The following FER variants were observed in gnomAD, a reference collection of about 807,000 sequenced individuals.
FER encodes the protein tyrosine-protein kinase Fer.
A neutral mutation model predicts 111.0 loss-of-function variants in FER; 63 were observed. The ratio of observed to expected loss-of-function variants is 0.57; its 90% CI spans 0.46 to 0.70. The LOEUF (loss-of-function observed/expected upper bound fraction) is 0.70, where lower values mean the gene tolerates loss of function less well. FER is among the 30% of genes least tolerant of loss of function. The probability of loss-of-function intolerance (pLI) is 0.00; values close to 1 mark genes in which losing one functional copy is unlikely to be tolerated. For missense variants in FER, 914 were observed against 954.0 expected (o/e 0.96, Z 0.55); for synonymous variants, 327 against 313.9 (o/e 1.04, Z -0.44).
At chr5:108,999,020 C>T (rs1764367927) in intron 13 of FER, among the ~76,000 whole-genome samples, 1 of 152,012 alleles carries the variant, frequency 6.6e-6, no homozygotes, top group Admixed American at 6.5e-5. Flanking sequence ...CTAGTAAATA[C>T]CCATATATGA....
At chr5:109,157,840 G>A (rs1400859610) in intron 17 of FER, among the ~76,000 whole-genome samples, 3 of 152,152 alleles carry the variant, frequency 2.0e-5, no homozygotes, top group South Asian at 2.1e-4. Flanking sequence ...CATCTACCTC[G>A]GTTTTGAGGT....
intron 1 of FER, among the ~76,000 whole-genome samples, chr5:108,752,366 G>A (rs1750602025): frequency 6.6e-6 from 1 of 151,940 alleles, no homozygotes; most frequent in African/African-American, 2.4e-5. Context: ...AACAAACTTT[G>A]ATTTCTTCTG....
chr5:108,798,069 T>A, intron 2 of FER, 55 bp from the exon 3 acceptor site: 1 of 689,564 alleles, frequency 1.5e-6, no homozygotes, highest in Non-Finnish European at 2.4e-6. Context: ...TTTTTTTTTT[T>A]GAAGACTAAT....
At chr5:108,956,976 A>G (rs151058996) in intron 12 of FER, among the ~76,000 whole-genome samples, 1 of 151,748 alleles carries the variant, frequency 6.6e-6, no homozygotes, top group Non-Finnish European at 1.5e-5. Flanking sequence ...AAGTGTTCCA[A>G]TAGAAGAGGT....
intron 15 of FER, 98 bp downstream of exon 15, chr5:109,044,893 G>T (rs924942751): frequency 4.6e-6 from 3 of 648,000 alleles, no homozygotes; most frequent in Non-Finnish European, 7.3e-6. Flanking sequence ...TACTGAAATA[G>T]TAGGGGTAAG....
At chr5:108,870,091 T>C (rs1288477857) in intron 6 of FER, among the ~76,000 whole-genome samples, 2 of 152,120 alleles carry the variant, frequency 1.3e-5, no homozygotes, top group African/African-American at 4.8e-5. Flanking sequence ...TTTTCAATAA[T>C]AGTATCTTCA....
At chr5:109,100,574 A>G (rs1748102546) in intron 17 of FER, 55 bp downstream of exon 17, 1 of 1,522,664 alleles carries the variant, frequency 6.6e-7, no homozygotes, top group Non-Finnish European at 9.0e-7. Flanking sequence ...ATGCTGGAAA[A>G]CTGATGTATT....
At chr5:108,939,169 G>A (rs532399537) in intron 10 of FER, among the ~76,000 whole-genome samples, 2 of 151,242 alleles carry the variant, frequency 1.3e-5, no homozygotes, top group South Asian at 4.2e-4. Flanking sequence ...GGGAATAAGT[G>A]AGAATAATTA....
At chr5:109,123,205 T>G (rs575611285) in intron 17 of FER, among the ~76,000 whole-genome samples, 20 of 146,578 alleles carry the variant, frequency 1.4e-4, no homozygotes, top group African/African-American at 4.3e-4. Context: ...GCCCAGGCTG[T>G]AGTGCAGTGG....
chr5:108,802,339 A>G (rs1018758898), intron 3 of FER, among the ~76,000 whole-genome samples: 1 of 152,126 alleles, frequency 6.6e-6, no homozygotes, highest in Non-Finnish European at 1.5e-5. Context: ...AATGATATAC[A>G]TTTTAAATTG....
chr5:109,180,720 C>T (rs199701147), intron 17 of FER, 27 bp from the exon 18 acceptor site: 77 of 1,570,020 alleles, frequency 4.9e-5, no homozygotes, highest in Middle Eastern at 1.7e-4. Flanking sequence ...TTTTAATAGG[C>T]GTTTTCTGTG....
chr5:108,844,091 A>AGC (rs1561500285), intron 5 of FER, among the ~76,000 whole-genome samples: 13 of 121,436 alleles, frequency 1.1e-4, no homozygotes, highest in Non-Finnish European at 2.1e-4. Flanking sequence ...TATGCGTGTG[A>AGC]ACATATGTGT....
At chr5:109,178,267 G>A (rs1757921723) in intron 17 of FER, among the ~76,000 whole-genome samples, 1 of 152,134 alleles carries the variant, frequency 6.6e-6, no homozygotes, top group African/African-American at 2.4e-5. Context: ...GCAGCCCAAA[G>A]GAAGTAGCAT....
At chr5:109,022,608 C>T (rs1768080662) in intron 13 of FER, among the ~76,000 whole-genome samples, 1 of 152,006 alleles carries the variant, frequency 6.6e-6, no homozygotes, top group African/African-American at 2.4e-5. Context: ...CCCACAAAGG[C>T]TAATGACATA....
At chr5:108,813,273 T>A (rs1271663430) in intron 3 of FER, among the ~76,000 whole-genome samples, 1 of 152,154 alleles carries the variant, frequency 6.6e-6, no homozygotes, top group Non-Finnish European at 1.5e-5. Context: ...ATGAAAAATT[T>A]GTGCCTAATG....
chr5:108,822,709 A>AT (rs777324655), intron 3 of FER, among the ~76,000 whole-genome samples: 196 of 121,540 alleles, frequency 1.6e-3, no homozygotes, highest in East Asian at 4.9e-3. Context: ...ATTTTATTTT[A>AT]TTTATTTTAT....
intron 3 of FER, among the ~76,000 whole-genome samples, chr5:108,829,843 A>T (rs1265164808): frequency 6.6e-6 from 1 of 152,180 alleles, no homozygotes; most frequent in Non-Finnish European, 1.5e-5. Flanking sequence ...GACATTATAA[A>T]AAACCAAACC....
At chr5:108,947,057 TTGTATA>T (rs1412345106) in intron 11 of FER, among the ~76,000 whole-genome samples, 7 of 152,076 alleles carry the variant, frequency 4.6e-5, no homozygotes, top group Admixed American at 4.6e-4. Context: ...TAATACTCCA[TTGTATA>T]TATTTACCAC....
chr5:109,063,091 A>G (rs1006624641), intron 16 of FER, among the ~76,000 whole-genome samples: 29 of 150,816 alleles, frequency 1.9e-4, no homozygotes, highest in African/African-American at 6.8e-4. Flanking sequence ...TTAGAAATCT[A>G]GACATGATTA....
Sources: allele counts gnomAD v4.1 joint callset (sites outside exome capture counted in the v4.1 genomes callset), GRCh38; gene constraint gnomAD v4.1.1; transcripts MANE v1.5; gene names NCBI Gene and HGNC (gene_info 2026-07-23, HGNC 2026-07-21).